LRRIQ1: variants seen among roughly 807,000 people sequenced by gnomAD.
The protein encoded by LRRIQ1 is leucine-rich repeat- and IQ domain-containing protein 1.
Under a neutral mutation model 211.9 loss-of-function variants are expected in LRRIQ1, and 210 were observed. The ratio of observed to expected loss-of-function variants is 0.99; its 90% CI spans 0.89 to 1.11. LRRIQ1 has a LOEUF of 1.11. Ranked by LOEUF, LRRIQ1 falls within the 50% of genes most tolerant of loss-of-function variation. The probability of loss-of-function intolerance (pLI) is 0.00; values close to 1 mark genes in which losing one functional copy is unlikely to be tolerated. For missense variants in LRRIQ1, 2,136 were observed against 1,939.5 expected, an observed-to-expected ratio of 1.10 and a Z score of -1.90; for synonymous variants, 699 against 650.1, an observed-to-expected ratio of 1.08 and a Z score of -1.14.
chr12:85,246,801 A>G (rs1453560570), downstream of LRRIQ1, among the ~76,000 whole-genome samples: 1 of 151,598 alleles, frequency 6.6e-6, no homozygotes, highest in Non-Finnish European at 1.5e-5. Context: ...AAAAAATAAT[A>G]AAATGATTAT....
intron 19 of LRRIQ1, among the ~76,000 whole-genome samples, chr12:85,142,958 C>T (rs1046971705): frequency 2.7e-4 from 41 of 151,448 alleles, no homozygotes; most frequent in African/African-American, 9.9e-4. Context: ...ATTTTATTGC[C>T]TTTTGGTATA....
downstream of LRRIQ1, among the ~76,000 whole-genome samples, chr12:85,265,179 TG>T (rs1896395240): frequency 6.6e-6 from 1 of 152,074 alleles, no homozygotes. Context: ...TGATATATTT[TG>T]ATTATATTTT....
chr12:85,097,789 C>G (rs1381135166), intron 11 of LRRIQ1, among the ~76,000 whole-genome samples: 1 of 152,100 alleles, frequency 6.6e-6, no homozygotes, highest in Non-Finnish European at 1.5e-5. Context: ...TTCCTTATGA[C>G]CACTGAGTTA....
intron 18 of LRRIQ1, among the ~76,000 whole-genome samples, chr12:85,134,055 A>G (rs1381464975): frequency 3.3e-5 from 5 of 152,130 alleles, no homozygotes; most frequent in African/African-American, 1.2e-4. Flanking sequence ...GCTATAGCAC[A>G]GCTTCTGATT....
intron 15 of LRRIQ1, among the ~76,000 whole-genome samples, chr12:85,106,955 C>G (rs553222048): frequency 2.0e-5 from 3 of 152,064 alleles, no homozygotes; most frequent in Admixed American, 2.0e-4. Flanking sequence ...AATTACATAG[C>G]TTCCTACTTA....
At position 85,052,340 on chromosome 12, in the gene LRRIQ1, C is replaced by A. The variant is rs1880441226; in HGVS notation, c.753+89C>A. 3 of 644,874 alleles carry A rather than the reference C, an allele frequency of 4.7e-6. 1 individual carries two copies. The highest frequency in any genetic ancestry group is 7.8e-6 in the Non-Finnish European group (3 of 382,982). 39.9% of individuals were successfully genotyped at this position (644,874 alleles called of 1,614,324 possible). A position where few individuals can be genotyped will look rare whatever the true frequency, so the allele number is the denominator to read the frequency against. ...TTGAAATGGTTATTTTTAGATAATG[C>A]TGCCTAAGTAGTATAAGATTTTAGT... On this transcript the variant is annotated intron_variant, in intron 7 of 26. Transcript: ENST00000393217.
chr12:85,103,394 A>G (rs1189945613), intron 13 of LRRIQ1, among the ~76,000 whole-genome samples: 8 of 151,660 alleles, frequency 5.3e-5, no homozygotes, highest in Non-Finnish European at 1.2e-4. Context: ...ATTTATTTAC[A>G]TATTGAGTAT....
chr12:85,047,176 T>G, intron 5 of LRRIQ1, 71 bp from the exon 6 acceptor site: 1 of 1,171,728 alleles, frequency 8.5e-7, no homozygotes. Context: ...AAAAATTACT[T>G]TTATACTTTG....
chr12:85,086,171 T>A (rs1345794828), intron 11 of LRRIQ1, among the ~76,000 whole-genome samples: 1 of 152,220 alleles, frequency 6.6e-6, no homozygotes, highest in Non-Finnish European at 1.5e-5. Flanking sequence ...TAACTTACAA[T>A]TCTCTAATGA....
At chr12:85,205,152 G>A (rs932638281) in intron 24 of LRRIQ1, among the ~76,000 whole-genome samples, 1 of 152,120 alleles carries the variant, frequency 6.6e-6, no homozygotes, top group African/African-American at 2.4e-5. Context: ...TGCCATCCAT[G>A]TAAGATGGGA....
chr12:85,256,410 G>C (rs775916562), intron 1 of LRRIQ1, among the ~76,000 whole-genome samples: 1 of 151,232 alleles, frequency 6.6e-6, no homozygotes, highest in Non-Finnish European at 1.5e-5. Context: ...TTTCACACTA[G>C]CTAATGTGCA....
chr12:85,184,453 A>C (rs997323676), intron 24 of LRRIQ1, among the ~76,000 whole-genome samples: 4 of 152,064 alleles, frequency 2.6e-5, no homozygotes, highest in African/African-American at 9.6e-5. Flanking sequence ...ACTTATACAT[A>C]TAGATGTGTA....
chr12:85,236,830 C>CAT (rs60371759), intron 26 of LRRIQ1, among the ~76,000 whole-genome samples: 13,331 of 108,600 alleles, frequency 0.12, 992 homozygotes, highest in Middle Eastern at 0.22. Context: ...TGTATGTGTG[C>CAT]ATATATATAT....
At chr12:85,079,390 A>AT (rs1381429543) in intron 11 of LRRIQ1, among the ~76,000 whole-genome samples, 1 of 150,586 alleles carries the variant, frequency 6.6e-6, no homozygotes, top group African/African-American at 2.4e-5. Context: ...TGCCCGGCTA[A>AT]TTTTTTGTAT....
At chr12:85,133,570 A>T (rs544426033) in intron 18 of LRRIQ1, among the ~76,000 whole-genome samples, 52 of 152,286 alleles carry the variant, frequency 3.4e-4, no homozygotes, top group Admixed American at 1.4e-3. Flanking sequence ...GTGAGGTTTG[A>T]TTGAAACAGG....
intron 6 of LRRIQ1, among the ~76,000 whole-genome samples, chr12:85,050,425 T>C (rs1029868064): frequency 6.6e-5 from 10 of 152,194 alleles, no homozygotes; most frequent in Non-Finnish European, 7.3e-5. Context: ...AAAAACTGCA[T>C]ACTCAGAGAA....
At chr12:85,123,604 T>G (rs1888142335) in intron 16 of LRRIQ1, among the ~76,000 whole-genome samples, 1 of 152,146 alleles carries the variant, frequency 6.6e-6, no homozygotes, top group Non-Finnish European at 1.5e-5. Context: ...TTATTATTTT[T>G]CCAGAGATAA....
At chr12:85,047,971 G>A (rs1323109036) in intron 6 of LRRIQ1, 3 of 154,042 alleles carry the variant, frequency 1.9e-5, no homozygotes, top group South Asian at 2.0e-4. Flanking sequence ...CATTTCTGTC[G>A]TATGTGTTGT....
At chr12:85,044,555 A>T (rs1003026312) in intron 3 of LRRIQ1, among the ~76,000 whole-genome samples, 163 bp from the exon 4 acceptor site, 1 of 151,962 alleles carries the variant, frequency 6.6e-6, no homozygotes. Flanking sequence ...GATTTCCTCT[A>T]TTGTTTATTC....
Sources: gnomAD v4.1 joint callset for allele counts (sites outside exome capture counted in the v4.1 genomes callset) on GRCh38, gnomAD v4.1.1 for gene constraint, MANE v1.5 for transcripts, NCBI Gene and HGNC (gene_info 2026-07-23, HGNC 2026-07-21) for gene names.